SOX5: variants seen among roughly 807,000 people sequenced by gnomAD.
The protein encoded by SOX5 is transcription factor SOX-5.
A neutral mutation model predicts 92.0 loss-of-function variants in SOX5; 9 were observed. The observed-to-expected ratio is 0.10, with a 90% CI of 0.06 to 0.17. The LOEUF is 0.17. Ranked by LOEUF, SOX5 falls within the 10% of genes least tolerant of loss-of-function variation. The probability of loss-of-function intolerance (pLI) is 1.00; values close to 1 mark genes in which losing one functional copy is unlikely to be tolerated. For missense variants in SOX5, 642 were observed against 944.5 expected (o/e 0.68, Z 4.20); for synonymous variants, 344 against 336.3 (o/e 1.02, Z -0.25).
rs2095496767 is a variant in SOX5 at position 23,792,659 on chromosome 12, A to AAAAAAAAAC, written c.482-36936_482-36935insGTTTTTTTT. 2.5e-4 allele frequency among the ~76,000 whole-genome samples: 33 copies of AAAAAAAAAC among 132,460 alleles called. 2 individuals carry two copies. The highest frequency in any genetic ancestry group is 9.0e-4 in the African/African-American group (33 of 36,566). 86.9% of individuals were successfully genotyped at this position (132,460 alleles called of 152,430 possible). ...AAAAAAAAAAAAAAAAAAAAAAAAA[A>AAAAAAAAAC]AAACTTGGACAAAGCACTGCGATAT... On this transcript the variant is annotated intron_variant, in intron 3 of 14. Transcript: ENST00000451604.
At chr12:24,090,493 T>C (rs1227448258) in intron 4 of SOX5, among the ~76,000 whole-genome samples, 2 of 152,134 alleles carry the variant, frequency 1.3e-5, no homozygotes, top group Admixed American at 6.6e-5. Flanking sequence ...AATTATATAT[T>C]AGTACAATTC....
At chr12:23,905,268 A>G (rs1399613560) in intron 1 of SOX5, among the ~76,000 whole-genome samples, 1 of 152,176 alleles carries the variant, frequency 6.6e-6, no homozygotes, top group Non-Finnish European at 1.5e-5. Context: ...GCCAAATTCC[A>G]TCCTACAATG....
chr12:24,199,957 G>A (rs1220341622), intron 4 of SOX5, among the ~76,000 whole-genome samples: 1 of 151,940 alleles, frequency 6.6e-6, no homozygotes, highest in Non-Finnish European at 1.5e-5. Flanking sequence ...AAAATCAGTA[G>A]AATCTTACTA....
intron 1 of SOX5, among the ~76,000 whole-genome samples, chr12:23,940,335 A>G (rs1177232621): frequency 6.6e-6 from 1 of 151,200 alleles, no homozygotes; most frequent in Non-Finnish European, 1.5e-5. Context: ...CCTAAGAGAC[A>G]CCATGGCTGC....
At chr12:24,148,227 C>A (rs1056313882) in intron 4 of SOX5, among the ~76,000 whole-genome samples, 1 of 150,872 alleles carries the variant, frequency 6.6e-6, no homozygotes, top group Non-Finnish European at 1.5e-5. Context: ...CCAGGCATGG[C>A]GGCTCACGCC....
At position 24,429,650 on chromosome 12, in the gene SOX5, A is replaced by ACACACCC. The variant is rs998939759; in HGVS notation, c.-250-61012_-250-61011insGGGTGTG. Among the ~76,000 whole-genome samples, 8 of 151,530 alleles carry ACACACCC rather than the reference A, an allele frequency of 5.3e-5. No homozygotes were observed. In the East Asian group the frequency reaches 7.8e-4, roughly 15 times the overall value. ...TACACACACACACACACACACACAC[A>ACACACCC]CCCCATGAGCACAAAGCCCTCCAAC... On this transcript the variant is annotated intron_variant, in intron 1 of 4. Coordinates refer to the SOX5 transcript ENST00000446891.
At chr12:23,619,405 T>C (rs1207556636) in intron 8 of SOX5, among the ~76,000 whole-genome samples, 1 of 152,254 alleles carries the variant, frequency 6.6e-6, no homozygotes, top group Admixed American at 6.6e-5. Flanking sequence ...GAGCAGGACA[T>C]TGAAGCCAAG....
chr12:23,793,853 A>ATT (rs1054403184), intron 3 of SOX5, among the ~76,000 whole-genome samples: 3 of 152,176 alleles, frequency 2.0e-5, no homozygotes, highest in Non-Finnish European at 4.4e-5. Context: ...ACTCTTCTGT[A>ATT]TTTTCAAGAC....
chr12:23,801,860 C>A (rs976508478), intron 3 of SOX5, among the ~76,000 whole-genome samples: 2 of 152,066 alleles, frequency 1.3e-5, no homozygotes, highest in African/African-American at 4.8e-5. Flanking sequence ...GCTACTTCAC[C>A]ATCTTGACTA....
chr12:23,989,919 C>G (rs1592120261), intron 4 of SOX5, among the ~76,000 whole-genome samples: 1 of 151,982 alleles, frequency 6.6e-6, no homozygotes, highest in Admixed American at 6.6e-5. Context: ...TCAGAAGTAC[C>G]TCAACTTTAG....
At chr12:24,189,043 C>T (rs992962365) in intron 4 of SOX5, among the ~76,000 whole-genome samples, 2 of 152,154 alleles carry the variant, frequency 1.3e-5, no homozygotes, top group Non-Finnish European at 2.9e-5. Context: ...ACTGAATGCC[C>T]TATCTCAGTT....
At chr12:24,378,981 A>C (rs892456427) in intron 1 of SOX5, among the ~76,000 whole-genome samples, 1 of 152,210 alleles carries the variant, frequency 6.6e-6, no homozygotes, top group Non-Finnish European at 1.5e-5. Flanking sequence ...CATTCATCTG[A>C]CTGAAAACCA....
intron 6 of SOX5, among the ~76,000 whole-genome samples, chr12:23,683,616 T>C (rs1009265289): frequency 6.6e-6 from 1 of 152,014 alleles, no homozygotes; most frequent in Non-Finnish European, 1.5e-5. Flanking sequence ...CTTTAGTATG[T>C]AAATGGTTCA....
chr12:24,262,795 C>T (rs1040476373), intron 3 of SOX5, among the ~76,000 whole-genome samples: 3 of 152,220 alleles, frequency 2.0e-5, no homozygotes, highest in African/African-American at 7.2e-5. Flanking sequence ...TTTCTGCCTC[C>T]TTTTCCATCC....
chr12:23,719,883 G>T (rs1195704714), intron 6 of SOX5, among the ~76,000 whole-genome samples: 1 of 149,960 alleles, frequency 6.7e-6, no homozygotes, highest in Non-Finnish European at 1.5e-5. Context: ...CTGTTCAAGA[G>T]TGATTTTGTA....
At position 24,393,146 on chromosome 12, in the gene SOX5, A is replaced by G. The variant is rs1023392457; in HGVS notation, c.-250-24507T>C. Among the ~76,000 whole-genome samples, 1 of 147,266 alleles carries G rather than the reference A, an allele frequency of 6.8e-6. No individual in the cohort carries two copies. The highest frequency in any genetic ancestry group is 2.6e-5 in the African/African-American group (1 of 38,304). On this transcript the variant is annotated intron_variant, in intron 1 of 4. Coordinates refer to the SOX5 transcript ENST00000446891. This position sits in a 1 kb window ranked among gnomAD's most constrained non-coding sequence, Gnocchi z 5.0. ...AAGTAGATTGAAGCTAAGAAAAAAAATACAGCAAAATTAGAAGCTGGCAAA... is the reference window on the plus strand; with the variant it reads ...AAGTAGATTGAAGCTAAGAAAAAAAGTACAGCAAAATTAGAAGCTGGCAAA...
chr12:23,602,309 T>TAAAGCAATTTCTTAATCTTAGC (rs2074611086), intron 9 of SOX5, among the ~76,000 whole-genome samples: 1 of 152,196 alleles, frequency 6.6e-6, no homozygotes, highest in African/African-American at 2.4e-5. Flanking sequence ...ATATAGTTCA[T>TAAAGCAATTTCTTAATCTTAGC]AAAGCAATTT....
At chr12:24,144,726 G>A (rs759599435) in intron 4 of SOX5, among the ~76,000 whole-genome samples, 1 of 152,098 alleles carries the variant, frequency 6.6e-6, no homozygotes, top group Non-Finnish European at 1.5e-5. Context: ...CTACTTGGGA[G>A]GCTGAGGCAG....
At chr12:23,705,213 T>C (rs1353884422) in intron 6 of SOX5, among the ~76,000 whole-genome samples, 1 of 151,984 alleles carries the variant, frequency 6.6e-6, no homozygotes, top group Admixed American at 6.6e-5. Context: ...TGTTAGTAAC[T>C]TTTTCACCCC....
Sources: gnomAD v4.1 joint callset for allele counts (sites outside exome capture counted in the v4.1 genomes callset) on GRCh38, gnomAD v4.1.1 for gene constraint, Gnocchi (gnomAD v3.1) non-coding constraint, MANE v1.5 for transcripts, NCBI Gene and HGNC (gene_info 2026-07-23, HGNC 2026-07-21) for gene names.